DLG2: variants seen among roughly 807,000 people sequenced by gnomAD.
The protein encoded by DLG2 is disks large homolog 2.
Under a neutral mutation model 132.5 loss-of-function variants are expected in DLG2, and 45 were observed. The ratio of observed to expected loss-of-function variants is 0.34; its 90% CI spans 0.27 to 0.44. The LOEUF is 0.44. Among genes scored for constraint, DLG2 ranks in the 20% least tolerant of loss-of-function variants. The pLI, the probability that DLG2 is intolerant of heterozygous loss-of-function variation, is 1.00. For missense variants in DLG2, 1,045 were observed against 1,196.9 expected (o/e 0.87, Z 1.87); for synonymous variants, 424 against 419.6 (o/e 1.01, Z -0.13).
chr11:83,489,817 G>A (rs141535004), intron 21 of DLG2, among the ~76,000 whole-genome samples: 3 of 152,044 alleles, frequency 2.0e-5, no homozygotes, highest in Non-Finnish European at 4.4e-5. Flanking sequence ...GGTGTGTGCT[G>A]TAGGGTTGAG....
chr11:84,185,688 G>GT (rs2096262476), intron 8 of DLG2, among the ~76,000 whole-genome samples: 1 of 152,156 alleles, frequency 6.6e-6, no homozygotes, highest in Admixed American at 6.5e-5. Flanking sequence ...TGCCCATTCA[G>GT]TATGATATTG....
chr11:84,908,083 T>C (rs2091714727), intron 6 of DLG2, among the ~76,000 whole-genome samples: 2 of 151,800 alleles, frequency 1.3e-5, no homozygotes, highest in Admixed American at 6.6e-5. Flanking sequence ...TCTCCATCCA[T>C]GGAAAGAACG....
chr11:83,813,974 CAG>C (rs1464947870), intron 17 of DLG2, among the ~76,000 whole-genome samples: 27 of 152,134 alleles, frequency 1.8e-4, no homozygotes, highest in African/African-American at 6.0e-4. Flanking sequence ...TTACAAACAA[CAG>C]AGTCAGGATG....
chr11:84,149,503 CT>C (rs1393932948), intron 9 of DLG2, among the ~76,000 whole-genome samples: 3 of 152,058 alleles, frequency 2.0e-5, no homozygotes, highest in African/African-American at 2.4e-5. Context: ...TTTTTGTAGA[CT>C]TTGTCAATGA....
chr11:85,245,301 C>G (rs1448917105), intron 4 of DLG2, among the ~76,000 whole-genome samples: 3 of 151,912 alleles, frequency 2.0e-5, no homozygotes, highest in Non-Finnish European at 4.4e-5. Flanking sequence ...TATATCTTCC[C>G]CACCTCCAAA....
Position 83,694,222 on chromosome 11 carries a change from T to G in DLG2, c.1826-60897A>C, listed in dbSNP as rs978263766. On this transcript the variant is annotated intron_variant, in intron 18 of 27. Coordinates refer to ENST00000376104, the MANE Select transcript of DLG2 (RefSeq NM_001142699.3). ...AAGGACTTCAAACAAATGAAAAGCA[T>G]TAGCAAGGTAAATGGCTCTTCTGCT... Among the ~76,000 whole-genome samples, 5 of 152,280 alleles carry G rather than the reference T, an allele frequency of 3.3e-5. No homozygotes were observed. The South Asian group carries it at 6.2e-4, about 19-fold the overall frequency.
intron 19 of DLG2, among the ~76,000 whole-genome samples, chr11:83,554,775 G>C (rs2096482288): frequency 6.6e-6 from 1 of 152,092 alleles, no homozygotes. Flanking sequence ...CTTTCCAGTT[G>C]GTAAAGCAAT....
chr11:84,093,307 T>C (rs1204194129), intron 10 of DLG2, among the ~76,000 whole-genome samples: 1 of 152,176 alleles, frequency 6.6e-6, no homozygotes, highest in Non-Finnish European at 1.5e-5. Context: ...GGTCCCTGCT[T>C]CATTGTTGGC....
intron 26 of DLG2, among the ~76,000 whole-genome samples, chr11:83,462,708 C>T (rs2090263185): frequency 6.6e-6 from 1 of 152,158 alleles, no homozygotes; most frequent in Non-Finnish European, 1.5e-5. Context: ...GTTCCCAAAA[C>T]ATTTCTGGTG....
At chr11:84,386,863 T>C (rs1259611558) in intron 7 of DLG2, among the ~76,000 whole-genome samples, 1 of 151,746 alleles carries the variant, frequency 6.6e-6, no homozygotes, top group Non-Finnish European at 1.5e-5. Flanking sequence ...AAAAATATAG[T>C]ACTTCACCAG....
chr11:85,460,436 C>G (rs1381160069), intron 3 of DLG2, among the ~76,000 whole-genome samples: 2 of 152,178 alleles, frequency 1.3e-5, no homozygotes, highest in Non-Finnish European at 1.5e-5. Flanking sequence ...CCTGGGGACT[C>G]TCACTCACTC....
chr11:83,744,240 GCCT>G (rs964744640), intron 18 of DLG2, among the ~76,000 whole-genome samples: 1 of 152,138 alleles, frequency 6.6e-6, no homozygotes, highest in African/African-American at 2.4e-5. Flanking sequence ...TCCAGCAGCT[GCCT>G]CCTAATTCCC....
At chr11:85,618,616 G>A (rs1032985355) in intron 2 of DLG2, among the ~76,000 whole-genome samples, 2 of 152,134 alleles carry the variant, frequency 1.3e-5, no homozygotes, top group African/African-American at 2.4e-5. Flanking sequence ...GGGACTAGTG[G>A]GGCAAGGGCT....
At chr11:84,643,621 G>T (rs578041700) in intron 6 of DLG2, among the ~76,000 whole-genome samples, 5 of 152,294 alleles carry the variant, frequency 3.3e-5, no homozygotes, top group African/African-American at 1.2e-4. Flanking sequence ...ACAAAGCAGA[G>T]ATTTCACCCA....
chr11:85,403,840 C>T (rs2088447856), intron 3 of DLG2, among the ~76,000 whole-genome samples: 1 of 151,902 alleles, frequency 6.6e-6, no homozygotes. Flanking sequence ...TAATATACCA[C>T]ACAAAAGAAG....
rs529932217 is a variant in DLG2, at chr11:83,630,713, A to G, written c.1940+2498T>C. Among the ~76,000 whole-genome samples, 21 of 152,250 alleles carry G rather than the reference A, an allele frequency of 1.4e-4. No individual in the cohort carries two copies. In the East Asian group the frequency reaches 3.9e-3, roughly 28 times the overall value. ...GAGGCAGAGTGATGTGGGGAGAAGTATGGGACTGGGGGTAGGAGAGCTGAT... is the reference window on the plus strand; with the variant it reads ...GAGGCAGAGTGATGTGGGGAGAAGTGTGGGACTGGGGGTAGGAGAGCTGAT... On this transcript the variant is annotated intron_variant, in intron 19 of 27. Transcript: ENST00000376104.
chr11:84,925,188 C>T (rs183814248), intron 6 of DLG2, among the ~76,000 whole-genome samples: 4 of 151,918 alleles, frequency 2.6e-5, no homozygotes, highest in South Asian at 2.1e-4. Flanking sequence ...TAGTAGTTGC[C>T]GGGATATTTG....
intron 6 of DLG2, among the ~76,000 whole-genome samples, chr11:84,855,434 A>G (rs967600892): frequency 2.6e-5 from 4 of 152,094 alleles, no homozygotes; most frequent in African/African-American, 9.7e-5. Flanking sequence ...GCAGACAGGC[A>G]TGAGACAATG....
intron 6 of DLG2, among the ~76,000 whole-genome samples, chr11:84,985,829 C>T (rs1340235958): frequency 1.3e-5 from 2 of 151,088 alleles, no homozygotes; most frequent in Non-Finnish European, 3.0e-5. Flanking sequence ...CCGATCTCTA[C>T]AAAAATACAA....
Sources: gnomAD v4.1 joint callset for allele counts (sites outside exome capture counted in the v4.1 genomes callset) on GRCh38, gnomAD v4.1.1 for gene constraint, MANE v1.5 for transcripts, NCBI Gene and HGNC (gene_info 2026-07-23, HGNC 2026-07-21) for gene names.